AFF3: variants seen among roughly 807,000 people sequenced by gnomAD.
AFF3 encodes AF4/FMR2 family member 3.
AFF3 carries 32 observed loss-of-function variants against 129.7 expected under a neutral mutation model. The observed-to-expected ratio is 0.25, with a 90% CI of 0.19 to 0.33. The LOEUF is 0.33. AFF3 is among the 10% of genes least tolerant of loss of function. The pLI is 1.00. For missense variants in AFF3, 1,373 were observed against 1,592.0 expected (o/e 0.86, Z 2.34); for synonymous variants, 644 against 635.4 (o/e 1.01, Z -0.20).
Position 100,131,638 on chromosome 2 carries a change from T to G in AFF3, c.-227-2332A>C, listed in dbSNP as rs112295111. 1.4e-3 allele frequency among the ~76,000 whole-genome samples: 214 copies of G among 152,174 alleles called. 1 individual carries two copies. The highest frequency in any genetic ancestry group is 4.9e-3 in the African/African-American group (203 of 41,534). ...CCACACCCGGCTAATTTTTGTATTT[T>G]TAGTAGAGACGGGGTTTCACCATGT... On this transcript the variant is annotated intron_variant, in intron 1 of 24. Coordinates refer to ENST00000672756, the MANE Select transcript of AFF3 (RefSeq NM_001386135.1).
chr2:99,937,350 A>C (rs1016411570), intron 7 of AFF3, among the ~76,000 whole-genome samples: 11 of 152,194 alleles, frequency 7.2e-5, no homozygotes, highest in African/African-American at 2.4e-4. Context: ...ATTTAGGAGG[A>C]TATGGAGGAG....
At chr2:99,822,835 G>T (rs773758350) in intron 8 of AFF3, among the ~76,000 whole-genome samples, 1 of 152,142 alleles carries the variant, frequency 6.6e-6, no homozygotes, top group Admixed American at 6.5e-5. Flanking sequence ...TTTTTCCAGA[G>T]TTCGGGGTGG....
chr2:99,949,386 T>C (rs868635990), intron 7 of AFF3, among the ~76,000 whole-genome samples: 8 of 152,078 alleles, frequency 5.3e-5, no homozygotes, highest in Non-Finnish European at 1.0e-4. Flanking sequence ...TGGAAGACAA[T>C]TTTTCCATAA....
chr2:99,734,551 T>C (rs1680096528), intron 10 of AFF3, among the ~76,000 whole-genome samples: 2 of 152,140 alleles, frequency 1.3e-5, no homozygotes, highest in South Asian at 4.1e-4. Context: ...TGGGCTTCTA[T>C]TCCTGATTTG....
chr2:99,759,310 T>C (rs888559875), intron 8 of AFF3, among the ~76,000 whole-genome samples: 1 of 152,238 alleles, frequency 6.6e-6, no homozygotes, highest in African/African-American at 2.4e-5. Flanking sequence ...ATCCTAATAA[T>C]CTCTTTTAAG....
rs143473377 is a variant in AFF3 at position 99,685,650 on chromosome 2, C to A, written c.1092-13061G>T. On this transcript the variant is annotated intron_variant, in intron 11 of 24. Coordinates refer to ENST00000672756, the MANE Select transcript of AFF3 (RefSeq NM_001386135.1). ...ACTTTTTAAACATATTCATCTATTT[C>A]TCTTTCAGCTGGAAGAAACGAATCT... Among the ~76,000 whole-genome samples, 776 of 152,276 alleles carry A rather than the reference C, an allele frequency of 5.1e-3. 6 individuals are homozygous for A. Among genetic ancestry groups the A allele is most frequent in the African/African-American group, 0.017 (712 of 41,566 alleles).
chr2:100,044,144 C>T (rs1210301578), intron 4 of AFF3, among the ~76,000 whole-genome samples: 1 of 152,180 alleles, frequency 6.6e-6, no homozygotes, highest in African/African-American at 2.4e-5. Flanking sequence ...CTGTCTTGAC[C>T]TCTTCTGCAC....
At chr2:99,635,712 C>G (rs1041136887) in intron 13 of AFF3, among the ~76,000 whole-genome samples, 1 of 152,198 alleles carries the variant, frequency 6.6e-6, no homozygotes, top group African/African-American at 2.4e-5. Context: ...ACCCCTAAAC[C>G]TGGCTCTACC....
intron 7 of AFF3, among the ~76,000 whole-genome samples, chr2:99,865,554 A>G (rs1691328188): frequency 6.6e-6 from 1 of 152,236 alleles, no homozygotes; most frequent in Non-Finnish European, 1.5e-5. Flanking sequence ...TGGGTATTAT[A>G]TGTAGGTCCA....
At position 100,066,410 on chromosome 2, in the gene AFF3, G is replaced by A. The variant is rs367719257; in HGVS notation, c.53+37992C>T. Among the ~76,000 whole-genome samples the A allele has an allele frequency of 9.2e-5, 14 of 152,284 alleles. No homozygotes were observed. The East Asian group carries it at 2.3e-3, about 25-fold the overall frequency. ...GAATGAAGACACAGGGAACTGAGCT[G>A]AGCTTGGTTTCCACACCCTCTTCTG... On this transcript the variant is annotated intron_variant, in intron 4 of 24. Coordinates refer to ENST00000672756, the MANE Select transcript of AFF3 (RefSeq NM_001386135.1).
In AFF3 at chr2:100,120,843, G is replaced by C. The variant is rs936730957; in HGVS notation, c.-145+8381C>G. On this transcript the variant is annotated intron_variant, in intron 2 of 24. Transcript: ENST00000672756. The stretch of plus-strand genomic sequence containing the variant: ...TTAGAGATGGGAGTCTCCCTATGTT[G>C]CTCAGGCTGGTCTCAAACTTCTGGC... Among the ~76,000 whole-genome samples, 8 of 152,168 alleles carry C rather than the reference G, an allele frequency of 5.3e-5. No individual in the cohort carries two copies. In the East Asian group the frequency reaches 1.5e-3, roughly 29 times the overall value.
At chr2:99,826,600 G>A (rs1688098023) in intron 8 of AFF3, among the ~76,000 whole-genome samples, 1 of 152,140 alleles carries the variant, frequency 6.6e-6, no homozygotes, top group South Asian at 2.1e-4. Context: ...GCCGGGGTGG[G>A]GAAGAGCATG....
intron 8 of AFF3, among the ~76,000 whole-genome samples, chr2:99,820,855 T>C (rs184748774): frequency 6.8e-6 from 1 of 147,924 alleles, no homozygotes; most frequent in Admixed American, 6.8e-5. Context: ...AATATCACTG[T>C]CTTCTCCTCC....
chr2:99,619,811 C>T (rs1343182462), intron 13 of AFF3, among the ~76,000 whole-genome samples: 8 of 152,196 alleles, frequency 5.3e-5, no homozygotes, highest in Non-Finnish European at 4.4e-5. Context: ...GTGTCCCTTG[C>T]TAAGTAGATC....
At chr2:99,567,694 G>A (rs562707669) in intron 19 of AFF3, among the ~76,000 whole-genome samples, 1 of 152,314 alleles carries the variant, frequency 6.6e-6, no homozygotes, top group East Asian at 1.9e-4. Context: ...CCCGCTGGCT[G>A]GCAGGAGCAA....
At chr2:99,821,985 T>C (rs1687723726) in intron 8 of AFF3, among the ~76,000 whole-genome samples, 1 of 152,052 alleles carries the variant, frequency 6.6e-6, no homozygotes, top group Non-Finnish European at 1.5e-5. Flanking sequence ...AAGTCTTGTG[T>C]CCCCAAAAGA....
intron 8 of AFF3, among the ~76,000 whole-genome samples, chr2:99,754,635 C>G (rs1388651376): frequency 6.6e-6 from 1 of 152,178 alleles, no homozygotes; most frequent in Non-Finnish European, 1.5e-5. Context: ...TTCAAAAGAA[C>G]ACTTCCTAGA....
In AFF3 at chr2:99,740,382, C is replaced by T. The variant is rs972087511; in HGVS notation, c.1039+3722G>A. Among the ~76,000 whole-genome samples, 129 of 151,550 alleles carry T rather than the reference C, an allele frequency of 8.5e-4. 1 individual carries two copies. The highest frequency in any genetic ancestry group is 3.4e-3 in the Middle Eastern group (1 of 294). On this transcript the variant is annotated intron_variant, in intron 10 of 24. Transcript: ENST00000672756. ...TTCTAGTTCTAGATCCCTGAGGAAT[C>T]GCCACACCGACTTCCACAATGGTTG...
chr2:99,862,108 G>T (rs1691042808), intron 7 of AFF3, among the ~76,000 whole-genome samples: 1 of 151,996 alleles, frequency 6.6e-6, no homozygotes, highest in Non-Finnish European at 1.5e-5. Context: ...CCTTCCCCAA[G>T]ACCTCATCAT....
Sources: gnomAD v4.1 joint callset for allele counts (sites outside exome capture counted in the v4.1 genomes callset) on GRCh38, gnomAD v4.1.1 for gene constraint, MANE v1.5 for transcripts, NCBI Gene and HGNC (gene_info 2026-07-23, HGNC 2026-07-21) for gene names.